The following LOXL1 variants were observed in gnomAD, a reference collection of about 807,000 sequenced individuals.
The protein encoded by LOXL1 is lysyl oxidase homolog 1.
Under a neutral mutation model 62.2 loss-of-function variants are expected in LOXL1, and 31 were observed. The ratio of observed to expected loss-of-function variants is 0.50; its 90% CI spans 0.37 to 0.67. The LOEUF (loss-of-function observed/expected upper bound fraction) is 0.67. Ranked by LOEUF, LOXL1 falls within the 30% of genes least tolerant of loss-of-function variation. The pLI, the probability that LOXL1 is intolerant of heterozygous loss-of-function variation, is 0.00. For missense variants in LOXL1, 775 were observed against 843.4 expected, an observed-to-expected ratio of 0.92 and a Z score of 1.00; for synonymous variants, 403 against 384.4, an observed-to-expected ratio of 1.05 and a Z score of -0.56.
chr15:73,939,577 C>A (rs980420172), intron 1 of LOXL1, among the ~76,000 whole-genome samples: 3 of 152,184 alleles, frequency 2.0e-5, no homozygotes, highest in Non-Finnish European at 4.4e-5. Flanking sequence ...TGATTAGAAG[C>A]AGAGCAGTGG....
Position 73,926,927 on chromosome 15 carries a change from C to A in LOXL1, c.144C>A (p.Asn48Lys). 1 of 1,570,722 alleles carries A rather than the reference C, an allele frequency of 6.4e-7. No homozygotes were observed. The highest frequency in any genetic ancestry group is 8.6e-7 in the Non-Finnish European group (1 of 1,159,246). Residue 48 changes from asparagine to lysine, a missense_variant, in exon 1 of 7, where the codon AAC becomes AAA. Transcript: ENST00000261921. ...GGCAGCTGATCCAGTGGGAGAACAA[C>A]GGGCAGGTGTACAGCTTGCTCAACT... Reference protein sequence around the residue: ...RWRQLIQWENNGQVYSLLNSG... With the variant: ...RWRQLIQWENKGQVYSLLNSG...
At chr15:73,940,298 A>T (rs540037675) in intron 1 of LOXL1, among the ~76,000 whole-genome samples, 8 of 152,224 alleles carry the variant, frequency 5.3e-5, no homozygotes, top group Non-Finnish European at 8.8e-5. Context: ...GTCAAGGCTC[A>T]GATTGTGACC....
intron 6 of LOXL1, among the ~76,000 whole-genome samples, chr15:73,950,134 T>C (rs1322371513): frequency 6.6e-6 from 1 of 152,058 alleles, no homozygotes; most frequent in African/African-American, 2.4e-5. Context: ...GTAGAAGAAG[T>C]GCCTAAAATC....
At chr15:73,944,052 T>C (rs1245227512) in intron 2 of LOXL1, among the ~76,000 whole-genome samples, 4 of 152,242 alleles carry the variant, frequency 2.6e-5, no homozygotes, top group African/African-American at 9.6e-5. Flanking sequence ...ATGTACATTC[T>C]GGTGCAAGTT....
chr15:73,935,609 G>A (rs1379272428), intron 1 of LOXL1, among the ~76,000 whole-genome samples: 2 of 152,190 alleles, frequency 1.3e-5, no homozygotes, highest in East Asian at 3.9e-4. Context: ...AGGGGCAGGG[G>A]TTGGGTTCAC....
rs767680761 is a variant in LOXL1, at chr15:73,926,875, G to A, written c.92G>A (p.Gly31Glu). 2.1e-5 allele frequency: 33 copies of A among 1,556,190 alleles called. No individual in the cohort carries two copies. Among genetic ancestry groups the A allele is most frequent in the Non-Finnish European group, 3.5e-6 (4 of 1,150,660 alleles). The change falls in exon 1 of 7, where the codon GGG becomes GAG. Residue 31 changes from glycine (G) to glutamate (E), a missense_variant. Gly to Glu is a moderately conservative substitution (Grantham distance 98). Coordinates refer to ENST00000261921, the MANE Select transcript of LOXL1 (RefSeq NM_005576.4). ...GTGCACGGGCAGCAGGCGCAGCCCG[G>A]GCAGGGCTCGGACCCCGCCCGCTGG... ...VLVHGQQAQP[G>E]QGSDPARWRQ...
At position 73,951,920 on chromosome 15, in the gene LOXL1, C is replaced by A; in HGVS notation, c.*83C>A. ...GGCAGCCTCCCGCCGAGGGGCCCAG[C>A]CCCCAACCCACAGGCACGGAGGGGC... On this transcript the variant is annotated 3_prime_UTR_variant, in exon 7 of 7. Transcript: ENST00000261921. The A allele has an allele frequency of 7.6e-7, 1 of 1,307,214 alleles. No homozygotes were observed. The highest frequency in any genetic ancestry group is 1.0e-6 in the Non-Finnish European group (1 of 999,104). 81.0% of individuals were successfully genotyped at this position (1,307,214 alleles called of 1,614,324 possible).
rs1349358862 is a variant in LOXL1 at position 73,926,582 on chromosome 15, CCCCTG to C, written c.-191_-187del. ...GAGCCTCGTGCAGCCCTGGGCACCG[CCCCTG>C]CCCTGCCCTGACCCCTTGGCCTTGA... On this transcript the variant is annotated 5_prime_UTR_variant, in exon 1 of 7. Coordinates refer to ENST00000261921, the MANE Select transcript of LOXL1 (RefSeq NM_005576.4). The C allele has an allele frequency of 2.1e-5, 11 of 521,580 alleles. No homozygotes were observed. Among genetic ancestry groups the C allele is most frequent in the East Asian group, 1.4e-4 (4 of 28,468 alleles). The allele number at this position is 521,580 out of a possible 1,614,324, so 32.3% of individuals were successfully genotyped here.
chr15:73,946,676 C>T (rs552239999), intron 3 of LOXL1, 122 bp downstream of exon 3: 130 of 1,208,076 alleles, frequency 1.1e-4, no homozygotes, highest in Non-Finnish European at 1.3e-4. Context: ...TTAGAGGGCC[C>T]GGGGAGGTGT....
In LOXL1 at chr15:73,943,668, A is replaced by G. The variant is rs186471768; in HGVS notation, c.1211+706A>G. ...TAAGCAGTTCATATTCTGCTGGAAC[A>G]TAGGTGCTTTGCGGATACCTCCCTG... is the stretch of plus-strand genomic sequence containing the variant. On this transcript the variant is annotated intron_variant, in intron 2 of 6. Transcript: ENST00000261921. 2.0e-5 allele frequency among the ~76,000 whole-genome samples: 3 copies of G among 152,368 alleles called. No homozygotes were observed. The East Asian group carries it at 5.8e-4, about 29-fold the overall frequency.
At chr15:73,933,072 C>G (rs2068646478) in intron 1 of LOXL1, among the ~76,000 whole-genome samples, 1 of 152,232 alleles carries the variant, frequency 6.6e-6, no homozygotes, top group Non-Finnish European at 1.5e-5. Context: ...TGGACCATCC[C>G]TGCAAGAAGA....
Position 73,943,068 on chromosome 15 carries a change from C to G in LOXL1, c.1211+106C>G. ...GCTAGGCTGTCTGCAAGCTGATGAC[C>G]CTGGCCAAGTGCCCCAGCCTCCCAG... On this transcript the variant is annotated intron_variant, in intron 2 of 6. Coordinates refer to ENST00000261921, the MANE Select transcript of LOXL1 (RefSeq NM_005576.4). The G allele has an allele frequency of 3.5e-6, 3 of 864,874 alleles. No individual in the cohort carries two copies. In the South Asian group the frequency reaches 4.2e-5, roughly 12 times the overall value. 53.6% of individuals were successfully genotyped at this position (864,874 alleles called of 1,614,324 possible). A position where few individuals can be genotyped will look rare whatever the true frequency, so the allele number is the denominator to read the frequency against.
Position 73,927,624 on chromosome 15 carries a change from G to T in LOXL1, c.841G>T (p.Glu281Ter). Reference protein sequence around the residue: ...DRRYSHSLYSEGTPGFEQAYP... With the variant: ...DRRYSHSLYS ...CCGCTACTCGCACAGTCTGTACAGCGAGGGCACCCCCGGCTTCGAGCAGGC... is the reference window on the plus strand; with the variant it reads ...CCGCTACTCGCACAGTCTGTACAGCTAGGGCACCCCCGGCTTCGAGCAGGC... Residue 281 changes from glutamate (E) to a stop codon, truncating the protein, a stop_gained, in exon 1 of 7, where the codon GAG becomes TAG. Transcript: ENST00000261921. LOFTEE classifies it high-confidence loss of function. 1 of 1,490,206 alleles carries T rather than the reference G, an allele frequency of 6.7e-7. No homozygotes were observed. Among genetic ancestry groups the T allele is most frequent in the African/African-American group, 1.5e-5 (1 of 68,680 alleles). The allele number at this position is 1,490,206 out of a possible 1,614,324, so 92.3% of individuals were successfully genotyped here.
At position 73,949,647 on chromosome 15, in the gene LOXL1, T is replaced by C. The variant is rs2068770765; in HGVS notation, c.1718+73T>C. Reference sequence around the variant, plus strand: ...GGGGAGCAGGCAAGGCCACCTGAGATACCTAAGATACCTGCACTTTAGGTC... The same window carrying C: ...GGGGAGCAGGCAAGGCCACCTGAGACACCTAAGATACCTGCACTTTAGGTC... On this transcript the variant is annotated intron_variant, in intron 6 of 6. Transcript: ENST00000261921. 1.4e-5 allele frequency: 13 copies of C among 943,122 alleles called. No homozygotes were observed. The South Asian group carries it at 1.5e-4, about 11-fold the overall frequency. 58.4% of individuals were successfully genotyped at this position (943,122 alleles called of 1,614,324 possible). A position where few individuals can be genotyped will look rare whatever the true frequency, so the allele number is the denominator to read the frequency against.
intron 1 of LOXL1, among the ~76,000 whole-genome samples, chr15:73,932,120 C>T (rs1006794750): frequency 5.3e-5 from 8 of 152,256 alleles, no homozygotes; most frequent in South Asian, 2.1e-4. Flanking sequence ...GTTCAGCCTG[C>T]GGGCAGGGTG....
rs1490038098 is a variant in LOXL1, at chr15:73,930,054, TTTTGG to T, written c.1102+2170_1102+2174del. 1.3e-5 allele frequency among the ~76,000 whole-genome samples: 2 copies of T among 152,176 alleles called. No homozygotes were observed. Among genetic ancestry groups the T allele is most frequent in the African/African-American group, 4.8e-5 (2 of 41,432 alleles). On this transcript the variant is annotated intron_variant, in intron 1 of 6. Coordinates refer to ENST00000261921, the MANE Select transcript of LOXL1 (RefSeq NM_005576.4). The surrounding 1 kb of genome is among the most constrained non-coding windows in gnomAD (Gnocchi z 4.7). ...CCACTACCCTGAGCCCCACAGTTCA[TTTTGG>T]GTCAAAAACATTTCTCCCCTGAAGG...
In LOXL1 at chr15:73,926,929, G is replaced by T; in HGVS notation, c.146G>T (p.Gly49Val). ...WRQLIQWENN[G>V]QVYSLLNSGS... The stretch of plus-strand genomic sequence containing the variant: ...CAGCTGATCCAGTGGGAGAACAACG[G>T]GCAGGTGTACAGCTTGCTCAACTCG... The change falls in exon 1 of 7, where the codon GGG (glycine) becomes GTG (valine). Residue 49 changes from glycine to valine, a missense_variant. Coordinates refer to ENST00000261921, the MANE Select transcript of LOXL1 (RefSeq NM_005576.4). The T allele has an allele frequency of 1.3e-6, 2 of 1,570,868 alleles. No individual in the cohort carries two copies. Among genetic ancestry groups the T allele is most frequent in the East Asian group, 4.7e-5 (2 of 42,962 alleles).
At chr15:73,949,306 CCT>C (rs1316612115) in intron 5 of LOXL1, among the ~76,000 whole-genome samples, 151 bp from the exon 6 acceptor site, 2 of 152,184 alleles carry the variant, frequency 1.3e-5, no homozygotes, top group African/African-American at 4.8e-5. Flanking sequence ...TCTTCTTTCC[CCT>C]CTGTGTCTCT....
chr15:73,938,897 G>A (rs922547406), intron 1 of LOXL1, among the ~76,000 whole-genome samples: 1 of 152,134 alleles, frequency 6.6e-6, no homozygotes, highest in Admixed American at 6.5e-5. Context: ...AAAAGAAAAG[G>A]TGGAGGTGGC....
Sources: allele counts gnomAD v4.1 joint callset (sites outside exome capture counted in the v4.1 genomes callset), GRCh38; gene constraint gnomAD v4.1.1; non-coding constraint Gnocchi (gnomAD v3.1); transcripts MANE v1.5; gene names NCBI Gene and HGNC (gene_info 2026-07-23, HGNC 2026-07-21).